Variants in TMEM154 observed in about 807,000 individuals in gnomAD.
TMEM154 encodes transmembrane protein 154.
In TMEM154, 27 loss-of-function variants were observed where a neutral mutation model predicts 24.5. The observed-to-expected ratio is 1.10, with a 90% confidence interval of 0.81 to 1.52. The LOEUF (loss-of-function observed/expected upper bound fraction) is 1.52. TMEM154 is among the 40% of genes most tolerant of loss of function. The pLI is 0.00. For synonymous variants in TMEM154, 67 were observed against 76.8 expected (o/e 0.87, Z 0.67); for missense variants, 228 against 213.4 (o/e 1.07, Z -0.43).
chr4:152,648,434 G>T (rs373215133), intron 3 of TMEM154, among the ~76,000 whole-genome samples: 1 of 152,232 alleles, frequency 6.6e-6, no homozygotes, highest in Non-Finnish European at 1.5e-5. Flanking sequence ...GTTTGAGGCT[G>T]CAGTGAGCTA....
chr4:152,644,324 G>T, intron 4 of TMEM154, 91 bp downstream of exon 4: 1 of 1,440,912 alleles, frequency 6.9e-7, no homozygotes, highest in Non-Finnish European at 9.8e-7. Context: ...CCCGCAAGAT[G>T]TCAGAACAAA....
In TMEM154 at chr4:152,627,233, A is replaced by G. The variant is rs1455568867; in HGVS notation, c.*1313T>C. ...TATGCATTAGGGCAGACTTTCAAGC[A>G]CAAGACACAAAATTGAGCAGCAAAT... is the stretch of plus-strand genomic sequence containing the variant. On this transcript the variant is annotated 3_prime_UTR_variant, in exon 7 of 7. Coordinates refer to ENST00000304385, the MANE Select transcript of TMEM154 (RefSeq NM_152680.3). 5 of 152,250 alleles carry G rather than the reference A, an allele frequency of 3.3e-5. No homozygotes were observed. Among genetic ancestry groups the G allele is most frequent in the Non-Finnish European group, 7.3e-5 (5 of 68,042 alleles). The allele number at this position is 152,250 out of a possible 1,614,324, so 9.4% of individuals were successfully genotyped here.
At chr4:152,654,403 CCAATT>C (rs1728449348) in intron 1 of TMEM154, among the ~76,000 whole-genome samples, 1 of 152,192 alleles carries the variant, frequency 6.6e-6, no homozygotes, top group Admixed American at 6.5e-5. Context: ...CATTGCAGAG[CCAATT>C]CAATAGTTCA....
chr4:152,635,029 A>G (rs1324251950), intron 6 of TMEM154, among the ~76,000 whole-genome samples: 1 of 152,212 alleles, frequency 6.6e-6, no homozygotes, highest in Non-Finnish European at 1.5e-5. Context: ...ATACGTTTAA[A>G]TGACTTTGAG....
rs1216658560 is a variant in TMEM154 at position 152,619,978 on chromosome 4, G to A, written c.*8568C>T. On this transcript the variant is annotated 3_prime_UTR_variant, in exon 7 of 7. Coordinates refer to ENST00000304385, the MANE Select transcript of TMEM154 (RefSeq NM_152680.3). Reference sequence around the variant, plus strand: ...CATCCAATCAGGTTTTCTCTCTTGGGAAGTGTGAACACTGGATGCCTCCAG... The same window carrying A: ...CATCCAATCAGGTTTTCTCTCTTGGAAAGTGTGAACACTGGATGCCTCCAG... 8 of 152,376 alleles carry A rather than the reference G, an allele frequency of 5.3e-5. No homozygotes were observed. Among genetic ancestry groups the A allele is most frequent in the African/African-American group, 1.7e-4 (7 of 41,582 alleles). 9.4% of individuals were successfully genotyped at this position (152,376 alleles called of 1,614,324 possible).
intron 1 of TMEM154, among the ~76,000 whole-genome samples, chr4:152,665,236 G>T (rs149155097): frequency 6.6e-6 from 1 of 152,110 alleles, no homozygotes; most frequent in Admixed American, 6.6e-5. Flanking sequence ...AAATATTTAG[G>T]GGTAGAACCC....
chr4:152,631,797 T>C (rs1313287165), intron 6 of TMEM154, among the ~76,000 whole-genome samples: 15 of 12,014 alleles, frequency 1.2e-3, no homozygotes, highest in South Asian at 0.016. Context: ...ATCCCCCTTT[T>C]TTTTTTTTTT....
intron 1 of TMEM154, among the ~76,000 whole-genome samples, chr4:152,667,943 T>C (rs1728753248): frequency 6.6e-6 from 1 of 152,276 alleles, no homozygotes; most frequent in Admixed American, 6.5e-5. Flanking sequence ...CCTGCAACTG[T>C]AATTTACTAT....
At chr4:152,642,632 T>C (rs1752280630) in intron 5 of TMEM154, among the ~76,000 whole-genome samples, 1 of 152,218 alleles carries the variant, frequency 6.6e-6, no homozygotes, top group African/African-American at 2.4e-5. Flanking sequence ...TATTTTTTAA[T>C]TTTAATTTTA....
intron 6 of TMEM154, among the ~76,000 whole-genome samples, chr4:152,639,568 A>ATCTC (rs60051091): frequency 5.5e-4 from 78 of 143,014 alleles, no homozygotes; most frequent in African/African-American, 1.6e-3. Context: ...TTGTTAATCA[A>ATCTC]TCTCTCTCTC....
chr4:152,642,395 A>T (rs1324584750), intron 5 of TMEM154, among the ~76,000 whole-genome samples: 3 of 152,160 alleles, frequency 2.0e-5, no homozygotes, highest in African/African-American at 7.2e-5. Context: ...TTTTAAAGGG[A>T]ATTTGAAAAA....
chr4:152,648,811 C>A (rs1011961812), intron 3 of TMEM154, among the ~76,000 whole-genome samples: 3 of 152,216 alleles, frequency 2.0e-5, no homozygotes, highest in Non-Finnish European at 4.4e-5. Flanking sequence ...ATACCTCCAA[C>A]ATCCCCCCAC....
chr4:152,660,733 C>T (rs1419776351), intron 1 of TMEM154, among the ~76,000 whole-genome samples: 4 of 152,178 alleles, frequency 2.6e-5, no homozygotes, highest in Admixed American at 6.5e-5. Context: ...GAGAGGGAAC[C>T]TCCTGCTCCC....
At chr4:152,643,668 T>C (rs1263422038) in intron 4 of TMEM154, among the ~76,000 whole-genome samples, 1 of 152,226 alleles carries the variant, frequency 6.6e-6, no homozygotes, top group Admixed American at 6.5e-5. Flanking sequence ...GAGCAGTTGC[T>C]TTCAGAAATT....
At chr4:152,638,643 G>A (rs1400667446) in intron 6 of TMEM154, among the ~76,000 whole-genome samples, 1 of 152,044 alleles carries the variant, frequency 6.6e-6, no homozygotes, top group Non-Finnish European at 1.5e-5. Context: ...ACTTTGTTCT[G>A]GGCTTTGTTC....
chr4:152,629,152 C>T (rs1042538311), intron 6 of TMEM154, among the ~76,000 whole-genome samples: 5 of 152,230 alleles, frequency 3.3e-5, no homozygotes, highest in Non-Finnish European at 7.3e-5. Context: ...ATAGCCCTCC[C>T]CAGTGCTGAT....
At chr4:152,639,818 G>T (rs1752220905) in intron 6 of TMEM154, 1 of 152,930 alleles carries the variant, frequency 6.5e-6, no homozygotes, top group South Asian at 2.1e-4. Flanking sequence ...TCCTGAACTG[G>T]CAATAATCTT....
chr4:152,663,710 G>A (rs1728662742), intron 1 of TMEM154, among the ~76,000 whole-genome samples: 1 of 152,222 alleles, frequency 6.6e-6, no homozygotes, highest in Admixed American at 6.5e-5. Context: ...AAGAGATAAT[G>A]GAAGTGGTCA....
chr4:152,667,596 T>C (rs1728745358), intron 1 of TMEM154, among the ~76,000 whole-genome samples: 1 of 152,250 alleles, frequency 6.6e-6, no homozygotes, highest in South Asian at 2.1e-4. Context: ...CTTCACCTAA[T>C]ATGTTTTTTC....
Sources: gnomAD v4.1 joint callset for allele counts (sites outside exome capture counted in the v4.1 genomes callset) on GRCh38, gnomAD v4.1.1 for gene constraint, MANE v1.5 for transcripts, NCBI Gene and HGNC (gene_info 2026-07-23, HGNC 2026-07-21) for gene names.